The following PRR5L variants were observed in gnomAD, a reference collection of about 807,000 sequenced individuals.
PRR5L encodes the protein proline-rich protein 5-like.
PRR5L carries 21 observed loss-of-function variants against 36.4 expected under a neutral mutation model. That is an observed-to-expected ratio of 0.58 (90% CI 0.41 to 0.83). The LOEUF is 0.83. Ranked by LOEUF, PRR5L falls within the 40% of genes least tolerant of loss-of-function variation. The pLI is 0.00. For synonymous variants in PRR5L, 188 were observed against 197.0 expected (o/e 0.95, Z 0.38); for missense variants, 381 against 473.3 (o/e 0.80, Z 1.81).
chr11:36,441,575 C>T (rs745789708), intron 6 of PRR5L, among the ~76,000 whole-genome samples: 1 of 152,186 alleles, frequency 6.6e-6, no homozygotes, highest in African/African-American at 2.4e-5. Context: ...TTTTTCCAGG[C>T]TCAGGGTGCA....
At chr11:36,348,173 A>C (rs1856886547) in intron 1 of PRR5L, among the ~76,000 whole-genome samples, 1 of 152,086 alleles carries the variant, frequency 6.6e-6, no homozygotes, top group Non-Finnish European at 1.5e-5. Context: ...TGTGTTTGAC[A>C]TGCTGGTCCC....
intron 1 of PRR5L, among the ~76,000 whole-genome samples, chr11:36,315,978 T>C (rs1856551519): frequency 1.3e-5 from 2 of 152,198 alleles, no homozygotes; most frequent in South Asian, 4.1e-4. Flanking sequence ...CAGATGTCTG[T>C]TCATGGAGAT....
At chr11:36,326,758 C>T (rs975865432) in intron 1 of PRR5L, among the ~76,000 whole-genome samples, 1 of 129,438 alleles carries the variant, frequency 7.7e-6, no homozygotes, top group Non-Finnish European at 1.6e-5. Context: ...AGTAGTTGAA[C>T]TCTTGAAATG....
At chr11:36,409,398 G>A (rs1001050828) in intron 3 of PRR5L, among the ~76,000 whole-genome samples, 1 of 152,226 alleles carries the variant, frequency 6.6e-6, no homozygotes. Flanking sequence ...TGGGAGGGGG[G>A]AGGTGGTGTG....
At position 36,359,785 on chromosome 11, in the gene PRR5L, G is replaced by A. The variant is rs777603096; in HGVS notation, c.-125-41212G>A. ...CCTGGCCGAGTGCAGTGGCTCACCC[G>A]TGTAATCCCAGCACTTTGGGAGACC... On this transcript the variant is annotated intron_variant, in intron 1 of 8. Coordinates refer to ENST00000530639, the MANE Select transcript of PRR5L (RefSeq NM_001160167.2). Among the ~76,000 whole-genome samples, 5 of 152,096 alleles carry A rather than the reference G, an allele frequency of 3.3e-5. 1 individual carries two copies. The highest frequency in any genetic ancestry group is 2.0e-4 in the Admixed American group (3 of 15,266).
intron 5 of PRR5L, among the ~76,000 whole-genome samples, chr11:36,435,637 T>C (rs1858589706): frequency 6.6e-6 from 1 of 151,954 alleles, no homozygotes; most frequent in African/African-American, 2.4e-5. Context: ...CTGACAGGAA[T>C]ACAAAAGAGA....
chr11:36,462,775 C>A lies in PRR5L; in HGVS notation c.*39C>A. The A allele has an allele frequency of 6.6e-7, 1 of 1,504,772 alleles. No individual in the cohort carries two copies. The highest frequency in any genetic ancestry group is 1.4e-5 in the African/African-American group (1 of 71,694). The allele number at this position is 1,504,772 out of a possible 1,614,324, so 93.2% of individuals were successfully genotyped here. ...GGCCTTTCCATCTCCTGTTTTGCAA[C>A]CAGGATGAGGACCCCTCCATCTCCG... On this transcript the variant is annotated 3_prime_UTR_variant, in exon 9 of 9. Coordinates refer to ENST00000530639, the MANE Select transcript of PRR5L (RefSeq NM_001160167.2).
chr11:36,405,459 T>C (rs186339592), intron 3 of PRR5L, among the ~76,000 whole-genome samples: 7 of 152,338 alleles, frequency 4.6e-5, no homozygotes, highest in African/African-American at 1.4e-4. Flanking sequence ...ATTGCATGCA[T>C]TGGGGAGGCA....
intron 1 of PRR5L, chr11:36,376,357 GGA>G: frequency 8.8e-7 from 1 of 1,136,952 alleles, no homozygotes; most frequent in Non-Finnish European, 1.1e-6. Context: ...AGGAGGAGGA[GGA>G]GGAGGAGGAG....
At chr11:36,451,398 C>G in intron 8 of PRR5L, 63 bp downstream of exon 8, 1 of 1,589,406 alleles carries the variant, frequency 6.3e-7, no homozygotes, top group South Asian at 1.1e-5. Context: ...CACTGTTTAA[C>G]TGAGCACTGT....
At chr11:36,400,557 AT>A (rs1857769294) in intron 1 of PRR5L, among the ~76,000 whole-genome samples, 2 of 152,188 alleles carry the variant, frequency 1.3e-5, no homozygotes, top group African/African-American at 2.4e-5. Context: ...ACTGAGCAAT[AT>A]ATGCAGACTG....
chr11:36,391,924 C>T (rs930485861), intron 1 of PRR5L, among the ~76,000 whole-genome samples: 4 of 152,190 alleles, frequency 2.6e-5, no homozygotes, highest in African/African-American at 9.6e-5. Flanking sequence ...TTTTACCTAA[C>T]TATATTTTTT....
chr11:36,416,217 C>G (rs1240558149), intron 3 of PRR5L, among the ~76,000 whole-genome samples: 3 of 152,106 alleles, frequency 2.0e-5, no homozygotes, highest in Admixed American at 6.6e-5. Flanking sequence ...CCCTGTCTAA[C>G]CATGTTATCA....
At chr11:36,338,988 G>T (rs948942647) in intron 1 of PRR5L, among the ~76,000 whole-genome samples, 1 of 152,130 alleles carries the variant, frequency 6.6e-6, no homozygotes, top group African/African-American at 2.4e-5. Context: ...TTTGTCAGGG[G>T]TTTCCACTTT....
intron 4 of PRR5L, chr11:36,425,600 A>C (rs1352075220): frequency 6.6e-6 from 1 of 152,240 alleles, no homozygotes; most frequent in Non-Finnish European, 1.5e-5. Flanking sequence ...ATGAAGAATT[A>C]GCATTAGCAC....
At chr11:36,351,671 ATACTTATATATTTATATATT>A (rs1565409314) in intron 1 of PRR5L, among the ~76,000 whole-genome samples, 525 of 4,588 alleles carry the variant, frequency 0.11, 160 homozygotes, top group East Asian at 0.27. Flanking sequence ...ATATATTTAT[ATACTTATATATTTATATATT>A]TATATATTTA....
chr11:36,422,428 G>A (rs936998195), intron 4 of PRR5L, among the ~76,000 whole-genome samples: 1 of 152,194 alleles, frequency 6.6e-6, no homozygotes, highest in Non-Finnish European at 1.5e-5. Flanking sequence ...CTGGCTGTTG[G>A]GAAAGGTGAA....
At chr11:36,436,105 C>T (rs143843093) in intron 5 of PRR5L, among the ~76,000 whole-genome samples, 11 of 152,340 alleles carry the variant, frequency 7.2e-5, no homozygotes, top group Middle Eastern at 3.4e-3. Flanking sequence ...CTTTGGACCT[C>T]CTGGCTACTA....
intron 4 of PRR5L, among the ~76,000 whole-genome samples, chr11:36,429,819 G>T (rs117516895): frequency 1.7e-3 from 264 of 152,340 alleles, no homozygotes; most frequent in East Asian, 9.3e-3. Context: ...TTCAGGTGGA[G>T]TGGTTGCCAT....
Sources: gnomAD v4.1 joint callset for allele counts (sites outside exome capture counted in the v4.1 genomes callset) on GRCh38, gnomAD v4.1.1 for gene constraint, MANE v1.5 for transcripts, NCBI Gene and HGNC (gene_info 2026-07-23, HGNC 2026-07-21) for gene names.